DNAH5: variants seen among roughly 807,000 people sequenced by gnomAD.
DNAH5 encodes axonemal beta dynein heavy chain 5.
Under a neutral mutation model 518.2 loss-of-function variants are expected in DNAH5, and 372 were observed. The ratio of observed to expected loss-of-function variants is 0.72; its 90% confidence interval spans 0.66 to 0.78. DNAH5 has a LOEUF of 0.78. Among genes scored for constraint, DNAH5 ranks in the 30% least tolerant of loss-of-function variants. The pLI, the probability that DNAH5 is intolerant of heterozygous loss-of-function variation, is 0.00. For synonymous variants in DNAH5, 2,039 were observed against 2,025.9 expected (o/e 1.01, Z -0.17); for missense variants, 5,523 against 5,687.0 (o/e 0.97, Z 0.93).
rs148891849 is a variant in DNAH5 at position 13,841,895 on chromosome 5, G to C, written c.5281C>G (p.Arg1761Gly). 719 of 1,093,802 alleles carry C rather than the reference G, an allele frequency of 6.6e-4. 2 individuals are homozygous for C. In the African/African-American group the frequency reaches 0.013, roughly 20 times the overall value. The allele number at this position is 1,093,802 out of a possible 1,614,324, so 67.8% of individuals were successfully genotyped here. A position where few individuals can be genotyped will look rare whatever the true frequency, so the allele number is the denominator to read the frequency against. ...TCTTGAGAGGAAATTGACAGAATTC[G>C]ATCATAGATCTATGTTAGAAACCAA... ...SVKFHEKIYD[R>G]ILSISSQEGE... The change falls in exon 33 of 79, where the codon CGA (arginine) becomes GGA (glycine). Residue 1761 changes from arginine (R) to glycine (G), a missense_variant. Physicochemically the swap from Arg to Gly is moderately radical, Grantham distance 125. Coordinates refer to ENST00000265104, the MANE Select transcript of DNAH5 (RefSeq NM_001369.3).
At chr5:13,739,300 A>T (rs1748052581) in intron 65 of DNAH5, among the ~76,000 whole-genome samples, 1 of 152,114 alleles carries the variant, frequency 6.6e-6, no homozygotes, top group South Asian at 2.1e-4. Flanking sequence ...AGTTTCCCCC[A>T]TGCTGTTCTC....
chr5:13,983,894 CT>C (rs1782853734), intron 1 of DNAH5, among the ~76,000 whole-genome samples: 1 of 152,234 alleles, frequency 6.6e-6, no homozygotes, highest in African/African-American at 2.4e-5. Context: ...CAGAAAACAA[CT>C]GATACAGTCA....
rs1195383216 is a variant in DNAH5 at position 13,708,302 on chromosome 5, G to T, written c.13159C>A (p.Gln4387Lys). 6.2e-7 allele frequency: 1 copy of T among 1,614,072 alleles called. No individual in the cohort carries two copies. The highest frequency in any genetic ancestry group is 8.5e-7 in the Non-Finnish European group (1 of 1,180,006). The change falls in exon 76 of 79, where the codon CAG becomes AAG. Residue 4387 changes from glutamine (Q) to lysine (K), a missense_variant. Physicochemically the swap from Gln to Lys is moderately conservative, Grantham distance 53. Around this residue, in one of 3 missense-constraint regions of DNAH5, gnomAD observed 387 missense variants for 430.0 expected, o/e 0.90. Transcript: ENST00000265104. ...KERLQKMGPF[Q>K]PMNIFLRQEI... ...TGCCTGAGGAAAATGTTCATAGGCT[G>T]GAATGGCCCCATCTTCTGCAGCCTC...
chr5:13,900,564 T>C, intron 14 of DNAH5, 152 bp from the exon 15 acceptor site: 1 of 695,790 alleles, frequency 1.4e-6, no homozygotes, highest in Non-Finnish European at 2.5e-6. Flanking sequence ...ACTCTTCTCC[T>C]AAATCCAGTC....
intron 7 of DNAH5, among the ~76,000 whole-genome samples, chr5:13,917,901 G>A (rs893383637): frequency 1.4e-4 from 22 of 152,110 alleles, no homozygotes; most frequent in Admixed American, 5.9e-4. Flanking sequence ...AAATTATTAC[G>A]TATCAAAACA....
At chr5:13,763,506 T>C (rs531510653) in intron 59 of DNAH5, among the ~76,000 whole-genome samples, 10 of 152,290 alleles carry the variant, frequency 6.6e-5, no homozygotes, top group African/African-American at 2.4e-4. Context: ...AAATTTAAAA[T>C]AGTAGCAGAA....
chr5:13,759,435 T>C, intron 60 of DNAH5, among the ~76,000 whole-genome samples: 1 of 152,236 alleles, frequency 6.6e-6, no homozygotes, highest in Non-Finnish European at 1.5e-5. Flanking sequence ...CATGCTAATA[T>C]TGAGAGTTGT....
At chr5:13,748,372 G>C (rs1334936109) in intron 65 of DNAH5, among the ~76,000 whole-genome samples, 2 of 151,940 alleles carry the variant, frequency 1.3e-5, no homozygotes, top group Non-Finnish European at 1.5e-5. Flanking sequence ...CTCTTTTTTT[G>C]GTTCCATATG....
chr5:13,817,618 GTCCAGCCGACCAAACA>G lies in DNAH5; in HGVS notation c.6902_6917del (p.Met2301ThrfsTer20), dbSNP rs757162805. The G allele has an allele frequency of 8.7e-6, 14 of 1,614,084 alleles. No individual in the cohort carries two copies. Among genetic ancestry groups the G allele is most frequent in the Non-Finnish European group, 7.6e-6 (9 of 1,179,992 alleles). On this transcript the variant is annotated frameshift_variant, in exon 42 of 79. Transcript: ENST00000265104. LOFTEE classifies it high-confidence loss of function. Reference sequence around the variant, plus strand: ...CATCAGTCCAGTCATTTGTGGCAACGTCCAGCCGACCAAACATCTGTGGGGCAGTAATCGCTTTGGG... The same window carrying G: ...CATCAGTCCAGTCATTTGTGGCAACGTCTGTGGGGCAGTAATCGCTTTGGG...
At chr5:13,985,694 G>A (rs137878958) in intron 1 of DNAH5, among the ~76,000 whole-genome samples, 1 of 152,154 alleles carries the variant, frequency 6.6e-6, no homozygotes, top group East Asian at 1.9e-4. Context: ...CCTGAACACT[G>A]CCCCAACAGA....
intron 65 of DNAH5, among the ~76,000 whole-genome samples, chr5:13,749,722 G>A (rs1749934173): frequency 6.6e-6 from 1 of 152,202 alleles, no homozygotes; most frequent in South Asian, 2.1e-4. Context: ...ACCAGTGACA[G>A]AGGTGGCCCA....
In DNAH5 at chr5:13,718,882, C is replaced by T. The variant is rs1313629907; in HGVS notation, c.12499G>A (p.Gly4167Ser). ...GACTCGCAAGTATTTCTGGACTCAC[C>T]ACTATATGTTCTTTTCAGTCCTGCC... ...LRAGLKRTYS[G>S]VSQDLLDVSS... The change falls in exon 72 of 79, where the codon GGT (glycine) becomes AGT (serine). Residue 4167 changes from glycine to serine, a missense_variant and splice_region_variant. Coordinates refer to ENST00000265104, the MANE Select transcript of DNAH5 (RefSeq NM_001369.3). 5 of 1,610,004 alleles carry T rather than the reference C, an allele frequency of 3.1e-6. No homozygotes were observed. The highest frequency in any genetic ancestry group is 1.7e-6 in the Non-Finnish European group (2 of 1,176,412).
At position 13,815,039 on chromosome 5, in the gene DNAH5, C is replaced by T. The variant is rs1424814275; in HGVS notation, c.6989-193G>A. 2.6e-5 allele frequency among the ~76,000 whole-genome samples: 4 copies of T among 152,212 alleles called. No individual in the cohort carries two copies. In the East Asian group the frequency reaches 7.7e-4, roughly 29 times the overall value. On this transcript the variant is annotated intron_variant, in intron 42 of 78. Transcript: ENST00000265104. ...AAAGATCTTTATATAGTAGTCAAGGCCCATAATTAAATCAAAAAGTAGTTT... is the reference window on the plus strand; with the variant it reads ...AAAGATCTTTATATAGTAGTCAAGGTCCATAATTAAATCAAAAAGTAGTTT...
intron 47 of DNAH5, among the ~76,000 whole-genome samples, chr5:13,804,781 T>C (rs1759316661): frequency 6.6e-6 from 1 of 152,242 alleles, no homozygotes; most frequent in South Asian, 2.1e-4. Flanking sequence ...CTTCTATTTA[T>C]TATATTTGAA....
intron 21 of DNAH5, among the ~76,000 whole-genome samples, chr5:13,878,373 G>T (rs1258818910): frequency 2.6e-5 from 4 of 152,188 alleles, no homozygotes; most frequent in African/African-American, 9.7e-5. Flanking sequence ...ATGCAGAAAA[G>T]GATCAAGAAT....
At chr5:13,834,346 C>T (rs1471835199) in intron 35 of DNAH5, among the ~76,000 whole-genome samples, 1 of 152,112 alleles carries the variant, frequency 6.6e-6, no homozygotes, top group Non-Finnish European at 1.5e-5. Flanking sequence ...GTCTAAGCAT[C>T]CACAGTTTTC....
chr5:13,691,487 A>AT lies in DNAH5; in HGVS notation c.*496dup, dbSNP rs1369819337. ...TTAATCCATTCTTCTATTTCCTTCTATTTTTTAAAAGGTATTTTTAATTGG... is the reference window on the plus strand; with the variant it reads ...TTAATCCATTCTTCTATTTCCTTCTATTTTTTTAAAAGGTATTTTTAATTGG... On this transcript the variant is annotated 3_prime_UTR_variant, in exon 79 of 79. Coordinates refer to ENST00000265104, the MANE Select transcript of DNAH5 (RefSeq NM_001369.3). 1 of 154,550 alleles carries AT rather than the reference A, an allele frequency of 6.5e-6. No individual in the cohort carries two copies. Among genetic ancestry groups the AT allele is most frequent in the Non-Finnish European group, 1.4e-5 (1 of 69,620 alleles). 9.6% of individuals were successfully genotyped at this position (154,550 alleles called of 1,614,324 possible). A position where few individuals can be genotyped will look rare whatever the true frequency, so the allele number is the denominator to read the frequency against.
chr5:13,850,233 A>C (rs1766635075), intron 31 of DNAH5, among the ~76,000 whole-genome samples: 1 of 152,218 alleles, frequency 6.6e-6, no homozygotes, highest in South Asian at 2.1e-4. Context: ...GTACACATAA[A>C]TGTGTGTGTA....
At chr5:13,877,390 G>C (rs1771046654) in intron 21 of DNAH5, among the ~76,000 whole-genome samples, 1 of 152,212 alleles carries the variant, frequency 6.6e-6, no homozygotes, top group Non-Finnish European at 1.5e-5. Context: ...TAACTTCACA[G>C]CTACCTGAGG....
Sources: allele counts gnomAD v4.1 joint callset (sites outside exome capture counted in the v4.1 genomes callset), GRCh38; gene constraint gnomAD v4.1.1; regional missense constraint gnomAD v4.1.1; transcripts MANE v1.5; gene names NCBI Gene and HGNC (gene_info 2026-07-23, HGNC 2026-07-21).